KHDRBS2: variants seen among roughly 807,000 people sequenced by gnomAD.
KHDRBS2 encodes the protein KH RNA binding domain containing, signal transduction associated 2.
KHDRBS2 carries 26 observed loss-of-function variants against 44.3 expected under a neutral mutation model. That is an observed-to-expected ratio of 0.59 (90% CI 0.43 to 0.81). The LOEUF is 0.81. Among genes scored for constraint, KHDRBS2 ranks in the 40% least tolerant of loss-of-function variants. KHDRBS2 has a pLI of 0.00. For missense variants in KHDRBS2, 476 were observed against 433.1 expected, an observed-to-expected ratio of 1.10 and a Z score of -0.88; for synonymous variants, 194 against 151.1, an observed-to-expected ratio of 1.28 and a Z score of -2.08.
rs140089485 is a variant in KHDRBS2 at position 61,955,217 on chromosome 6, T to C, written c.483+22849A>G. Among the ~76,000 whole-genome samples the C allele has an allele frequency of 7.9e-5, 11 of 139,444 alleles. No individual in the cohort carries two copies. In the South Asian group the frequency reaches 1.4e-3, roughly 17 times the overall value. 91.5% of individuals were successfully genotyped at this position (139,444 alleles called of 152,430 possible). On this transcript the variant is annotated intron_variant, in intron 4 of 8. Coordinates refer to ENST00000281156, the MANE Select transcript of KHDRBS2 (RefSeq NM_152688.4). ...ATGTATACATATATATGTATACATATGTGTATATATACACATACGTATGTA... is the reference window on the plus strand; with the variant it reads ...ATGTATACATATATATGTATACATACGTGTATATATACACATACGTATGTA...
intron 2 of KHDRBS2, among the ~76,000 whole-genome samples, chr6:62,161,986 A>G (rs1380579255): frequency 6.6e-6 from 1 of 152,034 alleles, no homozygotes; most frequent in African/African-American, 2.4e-5. Context: ...AACATAAACT[A>G]ATAATTATTT....
chr6:62,078,348 A>T (rs1345814309), intron 2 of KHDRBS2, among the ~76,000 whole-genome samples: 1 of 152,046 alleles, frequency 6.6e-6, no homozygotes, highest in Non-Finnish European at 1.5e-5. Context: ...ATTTTATCAA[A>T]GTTTTCAGAA....
chr6:62,099,897 T>A (rs575873349), intron 2 of KHDRBS2, among the ~76,000 whole-genome samples: 1 of 152,304 alleles, frequency 6.6e-6, no homozygotes, highest in East Asian at 1.9e-4. Flanking sequence ...CATTCTACAG[T>A]TCATGGATCA....
chr6:61,735,389 T>G (rs1446395353), intron 6 of KHDRBS2, among the ~76,000 whole-genome samples: 1 of 152,098 alleles, frequency 6.6e-6, no homozygotes, highest in Non-Finnish European at 1.5e-5. Context: ...TATTACTCCT[T>G]AAAAATCACA....
intron 4 of KHDRBS2, among the ~76,000 whole-genome samples, chr6:61,918,822 A>T (rs1807498371): frequency 6.6e-6 from 1 of 151,924 alleles, no homozygotes; most frequent in South Asian, 2.1e-4. Context: ...TGTGTGTTTG[A>T]CATGCATGTA....
the KHDRBS2 span, chr6:61,574,522 A>C: frequency 1.5e-6 from 1 of 651,118 alleles, no homozygotes; most frequent in Non-Finnish European, 2.5e-6. Flanking sequence ...GCGACCTCGG[A>C]GTATAACCCA....
intron 3 of KHDRBS2, among the ~76,000 whole-genome samples, chr6:62,045,693 T>C (rs62416708): frequency 6.6e-6 from 1 of 152,000 alleles, no homozygotes; most frequent in East Asian, 1.9e-4. Context: ...TATACACTTT[T>C]ATTGCACAAT....
chr6:62,284,589 T>C (rs1842219455), intron 1 of KHDRBS2, among the ~76,000 whole-genome samples: 1 of 152,128 alleles, frequency 6.6e-6, no homozygotes, highest in Non-Finnish European at 1.5e-5. Context: ...GTAGTAGGCA[T>C]AATTGTATTT....
At chr6:62,089,443 C>A (rs1799079760) in intron 2 of KHDRBS2, among the ~76,000 whole-genome samples, 2 of 152,038 alleles carry the variant, frequency 1.3e-5, no homozygotes, top group South Asian at 2.1e-4. Context: ...TAGCACCATC[C>A]CCCATGGCAT....
intron 8 of KHDRBS2, among the ~76,000 whole-genome samples, chr6:61,684,124 A>G (rs1416387638): frequency 6.6e-6 from 1 of 151,930 alleles, no homozygotes; most frequent in Non-Finnish European, 1.5e-5. Context: ...TTGCCACATG[A>G]TAATGCACGT....
intron 4 of KHDRBS2, among the ~76,000 whole-genome samples, chr6:61,916,309 C>CTATT (rs1460337058): frequency 5.9e-5 from 9 of 152,078 alleles, no homozygotes; most frequent in African/African-American, 2.2e-4. Flanking sequence ...ACTACTCTTG[C>CTATT]TATTCCTTTA....
chr6:62,180,099 A>C (rs1264036593), intron 1 of KHDRBS2, among the ~76,000 whole-genome samples: 1 of 151,824 alleles, frequency 6.6e-6, no homozygotes, highest in Non-Finnish European at 1.5e-5. Context: ...CTAACACAAG[A>C]ACAGAAAACC....
At chr6:61,812,481 C>T (rs1439273747) in intron 6 of KHDRBS2, among the ~76,000 whole-genome samples, 1 of 151,872 alleles carries the variant, frequency 6.6e-6, no homozygotes, top group South Asian at 2.1e-4. Flanking sequence ...GAAACTAAAA[C>T]TTATAAATAT....
Position 62,255,078 on chromosome 6 carries a change from G to A in KHDRBS2, c.91+30780C>T, listed in dbSNP as rs376792388. ...AAACTCTGCTCAAGATCATGCAAAT[G>A]TAATCACTGTAGACAGTGGCACTAT... On this transcript the variant is annotated intron_variant, in intron 1 of 8. Coordinates refer to ENST00000281156, the MANE Select transcript of KHDRBS2 (RefSeq NM_152688.4). Among the ~76,000 whole-genome samples the A allele has an allele frequency of 2.0e-3, 307 of 152,126 alleles. 10 individuals carry two copies. The South Asian group carries it at 0.06, about 30-fold the overall frequency.
At chr6:62,047,418 CTTAGAT>C (rs1787957568) in intron 3 of KHDRBS2, among the ~76,000 whole-genome samples, 3 of 151,698 alleles carry the variant, frequency 2.0e-5, no homozygotes, top group Admixed American at 6.6e-5. Flanking sequence ...GCAGGATTCT[CTTAGAT>C]TTGCAGATAA....
chr6:61,563,909 A>C, the KHDRBS2 span, among the ~76,000 whole-genome samples: 1 of 152,098 alleles, frequency 6.6e-6, no homozygotes, highest in Non-Finnish European at 1.5e-5. Context: ...TATACAAGTT[A>C]AAGTTTTAAA....
chr6:62,020,054 A>T (rs1230878190), intron 3 of KHDRBS2, among the ~76,000 whole-genome samples: 1 of 151,880 alleles, frequency 6.6e-6, no homozygotes, highest in African/African-American at 2.4e-5. Context: ...TATATGTTTA[A>T]TGCTATGAAG....
the KHDRBS2 span, among the ~76,000 whole-genome samples, chr6:61,589,943 C>A: frequency 6.6e-6 from 1 of 152,118 alleles, no homozygotes; most frequent in Admixed American, 6.5e-5. Context: ...AAATGATCAA[C>A]TGCTCAAAAA....
intron 1 of KHDRBS2, among the ~76,000 whole-genome samples, chr6:62,218,147 GA>G (rs554393294): frequency 6.6e-6 from 1 of 151,872 alleles, no homozygotes; most frequent in South Asian, 2.1e-4. Flanking sequence ...GTGGAGTCAA[GA>G]GTAGTCAAAT....
Sources: gnomAD v4.1 joint callset for allele counts (sites outside exome capture counted in the v4.1 genomes callset) on GRCh38, gnomAD v4.1.1 for gene constraint, MANE v1.5 for transcripts, NCBI Gene and HGNC (gene_info 2026-07-23, HGNC 2026-07-21) for gene names.